Variants in CSMD1 observed in about 807,000 individuals in gnomAD.
CSMD1 encodes the protein CUB and sushi domain-containing protein 1.
A neutral mutation model predicts 417.5 loss-of-function variants in CSMD1; 213 were observed. The observed-to-expected ratio is 0.51, with a 90% CI of 0.46 to 0.57. The LOEUF is 0.57. CSMD1 is among the 20% of genes least tolerant of loss of function. The pLI, the probability that CSMD1 is intolerant of heterozygous loss-of-function variation, is 0.00. For synonymous variants in CSMD1, 2,862 were observed against 1,736.8 expected, an observed-to-expected ratio of 1.65 and a Z score of -16.11; for missense variants, 6,923 against 4,529.7, an observed-to-expected ratio of 1.53 and a Z score of -15.17.
chr8:4,615,840 T>C (rs1446474328), intron 2 of CSMD1, among the ~76,000 whole-genome samples: 1 of 152,170 alleles, frequency 6.6e-6, no homozygotes, highest in Non-Finnish European at 1.5e-5. Context: ...CCTTCCTTTT[T>C]CTGATATATT....
At chr8:3,100,796 C>T (rs1585348898) in intron 46 of CSMD1, among the ~76,000 whole-genome samples, 1 of 152,224 alleles carries the variant, frequency 6.6e-6, no homozygotes, top group East Asian at 1.9e-4. Flanking sequence ...GGATTAATAG[C>T]ATAAATTGGG....
intron 5 of CSMD1, among the ~76,000 whole-genome samples, chr8:3,939,934 G>A (rs990222814): frequency 2.6e-5 from 4 of 152,142 alleles, no homozygotes; most frequent in East Asian, 1.9e-4. Context: ...GATGACAGGT[G>A]CACCGAATCT....
intron 3 of CSMD1, among the ~76,000 whole-genome samples, chr8:4,231,716 T>G (rs11993028): frequency 6.6e-6 from 1 of 152,020 alleles, no homozygotes; most frequent in African/African-American, 2.4e-5. Context: ...GTCTTAAGAA[T>G]GTGACTGGTA....
At chr8:4,061,664 T>A (rs980759914) in intron 3 of CSMD1, among the ~76,000 whole-genome samples, 1 of 152,206 alleles carries the variant, frequency 6.6e-6, no homozygotes, top group Non-Finnish European at 1.5e-5. Context: ...AAAGACTGTT[T>A]CGTGATGGTG....
At chr8:3,830,504 G>C (rs1028376708) in intron 5 of CSMD1, among the ~76,000 whole-genome samples, 1 of 152,206 alleles carries the variant, frequency 6.6e-6, no homozygotes, top group Non-Finnish European at 1.5e-5. Flanking sequence ...GAATCATGGA[G>C]TTGTGAAGAC....
intron 2 of CSMD1, among the ~76,000 whole-genome samples, chr8:4,631,830 G>A (rs1045292707): frequency 1.3e-4 from 20 of 152,078 alleles, no homozygotes; most frequent in Non-Finnish European, 2.4e-4. Context: ...AAAGACCGAC[G>A]AACTCGAGAT....
chr8:4,006,944 C>G (rs1357394001), intron 4 of CSMD1, among the ~76,000 whole-genome samples: 1 of 147,334 alleles, frequency 6.8e-6, no homozygotes, highest in African/African-American at 2.5e-5. Flanking sequence ...TCTCCTGCTT[C>G]AGACTCACGA....
chr8:3,290,290 G>C (rs1385649435), intron 25 of CSMD1, among the ~76,000 whole-genome samples: 2 of 146,968 alleles, frequency 1.4e-5, no homozygotes, highest in African/African-American at 5.4e-5. Context: ...TTTTGGCTTA[G>C]GATTGACTTG....
intron 4 of CSMD1, among the ~76,000 whole-genome samples, chr8:4,003,427 T>C (rs1235278343): frequency 6.6e-6 from 1 of 150,456 alleles, no homozygotes; most frequent in South Asian, 2.1e-4. Flanking sequence ...AACAAATAAA[T>C]AAATAAATAA....
intron 5 of CSMD1, among the ~76,000 whole-genome samples, chr8:3,784,461 T>G (rs1799339197): frequency 6.6e-6 from 1 of 152,242 alleles, no homozygotes; most frequent in African/African-American, 2.4e-5. Context: ...TATAAGTTCC[T>G]GATTTTAAGG....
intron 8 of CSMD1, among the ~76,000 whole-genome samples, chr8:3,615,517 T>C (rs1023718055): frequency 5.3e-5 from 8 of 152,340 alleles, no homozygotes; most frequent in Non-Finnish European, 1.0e-4. Context: ...AGTTAACCTA[T>C]ATCCATTCCG....
chr8:4,100,703 T>G (rs1801261538), intron 3 of CSMD1, among the ~76,000 whole-genome samples: 1 of 152,070 alleles, frequency 6.6e-6, no homozygotes, highest in South Asian at 2.1e-4. Context: ...ACTCTTTAAT[T>G]TTTTTCCTCA....
At chr8:3,601,874 G>A (rs4625056) in intron 8 of CSMD1, among the ~76,000 whole-genome samples, 20 of 152,124 alleles carry the variant, frequency 1.3e-4, no homozygotes, top group African/African-American at 4.8e-4. Context: ...AAGCAAAGGA[G>A]AGAGTTAGTG....
chr8:3,420,852 T>C (rs775725806), intron 12 of CSMD1, among the ~76,000 whole-genome samples: 5 of 152,170 alleles, frequency 3.3e-5, no homozygotes, highest in Non-Finnish European at 5.9e-5. Context: ...CGCTCCAATA[T>C]ATTAAAAATA....
At chr8:3,618,645 C>T (rs978910767) in intron 7 of CSMD1, among the ~76,000 whole-genome samples, 40 of 151,920 alleles carry the variant, frequency 2.6e-4, no homozygotes, top group African/African-American at 8.9e-4. Context: ...CCTGTATTTC[C>T]CTATGGAAAC....
chr8:3,194,942 A>T (rs2129052375), intron 33 of CSMD1, among the ~76,000 whole-genome samples: 1 of 152,238 alleles, frequency 6.6e-6, no homozygotes, highest in East Asian at 1.9e-4. Context: ...GACTTGAAAA[A>T]GTCCTGGCCA....
At chr8:4,682,389 T>G (rs1806108038) in intron 1 of CSMD1, among the ~76,000 whole-genome samples, 1 of 152,196 alleles carries the variant, frequency 6.6e-6, no homozygotes, top group African/African-American at 2.4e-5. Context: ...GTTGTGTATC[T>G]GTGTCCTCAG....
intron 4 of CSMD1, among the ~76,000 whole-genome samples, chr8:4,018,841 G>C (rs572843158): frequency 6.6e-6 from 1 of 152,172 alleles, no homozygotes; most frequent in African/African-American, 2.4e-5. Context: ...TGAAGTCACT[G>C]AATTCCTCTG....
intron 26 of CSMD1, among the ~76,000 whole-genome samples, chr8:3,270,584 A>T (rs1164052561): frequency 6.6e-6 from 1 of 152,206 alleles, no homozygotes; most frequent in Non-Finnish European, 1.5e-5. Flanking sequence ...ATAACACTTA[A>T]CAGGTCGACA....
Sources: gnomAD v4.1 joint callset for allele counts (sites outside exome capture counted in the v4.1 genomes callset) on GRCh38, gnomAD v4.1.1 for gene constraint, MANE v1.5 for transcripts, NCBI Gene and HGNC (gene_info 2026-07-23, HGNC 2026-07-21) for gene names.